The following MPC2 variants were observed in gnomAD, a reference collection of about 807,000 sequenced individuals.
MPC2 encodes mitochondrial pyruvate carrier 2.
A neutral mutation model predicts 19.2 loss-of-function variants in MPC2; 19 were observed. The ratio of observed to expected loss-of-function variants is 0.99; its 90% CI spans 0.69 to 1.45. The LOEUF (loss-of-function observed/expected upper bound fraction) is 1.45. Ranked by LOEUF, MPC2 falls within the 40% of genes most tolerant of loss-of-function variation. The pLI is 0.00. For missense variants in MPC2, 122 were observed against 153.0 expected, an observed-to-expected ratio of 0.80 and a Z score of 1.07; for synonymous variants, 61 against 54.3, an observed-to-expected ratio of 1.12 and a Z score of -0.54.
chr1:167,931,696 A>G (rs927125404), intron 2 of MPC2, among the ~76,000 whole-genome samples: 4 of 152,118 alleles, frequency 2.6e-5, no homozygotes, highest in African/African-American at 9.6e-5. Context: ...TATTTGATCC[A>G]TATTAGATTT....
intron 5 of MPC2, among the ~76,000 whole-genome samples, chr1:167,919,403 A>T (rs1359447348): frequency 3.9e-5 from 6 of 152,188 alleles, no homozygotes; most frequent in Admixed American, 2.6e-4. Context: ...TAGGTTTCTC[A>T]AAAGATCCTG....
intron 5 of MPC2, 68 bp downstream of exon 5, chr1:167,919,907 CAAAA>C (rs199537893): frequency 4.0e-5 from 35 of 885,510 alleles, no homozygotes; most frequent in Admixed American, 8.8e-5. Context: ...GACCCCGTCT[CAAAA>C]AAAAAAAAAA....
At position 167,920,019 on chromosome 1, in the gene MPC2, C is replaced by A; in HGVS notation, c.307G>T (p.Val103Leu). ...NWSLFAVNFF[V>L]GAAGASQLFR... ...AGCTGAGAGGCTCCTGCTGCCCCCA[C>A]AAAGAAATTAACAGCAAACAGACTC... The change falls in exon 5 of 6, where the codon GTG (valine) becomes TTG (leucine). Residue 103 changes from valine to leucine, a missense_variant. Physicochemically the swap from Val to Leu is conservative, Grantham distance 32. Coordinates refer to ENST00000271373, the MANE Select transcript of MPC2 (RefSeq NM_001143674.4). 6.2e-7 allele frequency: 1 copy of A among 1,613,428 alleles called. No homozygotes were observed. The highest frequency in any genetic ancestry group is 1.1e-5 in the South Asian group (1 of 91,006).
At chr1:167,932,109 G>A (rs1429507626) in intron 2 of MPC2, among the ~76,000 whole-genome samples, 1 of 152,154 alleles carries the variant, frequency 6.6e-6, no homozygotes, top group Non-Finnish European at 1.5e-5. Flanking sequence ...GAGCTATAAT[G>A]CGTTAAAATG....
intron 5 of MPC2, 29 bp from the exon 6 acceptor site, chr1:167,918,388 C>T (rs1262414544): frequency 2.2e-6 from 3 of 1,378,206 alleles, no homozygotes; most frequent in Non-Finnish European, 3.1e-6. Flanking sequence ...GAAAAATAAT[C>T]ATCAATAATA....
At chr1:167,934,657 A>C (rs964384839) in intron 2 of MPC2, among the ~76,000 whole-genome samples, 11 of 152,236 alleles carry the variant, frequency 7.2e-5, no homozygotes. Flanking sequence ...GTTCATAATC[A>C]GATAATGGGG....
At chr1:167,921,274 G>A (rs896122443) in intron 3 of MPC2, among the ~76,000 whole-genome samples, 1 of 151,580 alleles carries the variant, frequency 6.6e-6, no homozygotes, top group Admixed American at 6.6e-5. Flanking sequence ...CCAGGTTAGA[G>A]AGCAATGGTG....
chr1:167,920,643 C>T lies in MPC2; in HGVS notation c.151-12G>A, dbSNP rs757800462. 37 of 1,603,006 alleles carry T rather than the reference C, an allele frequency of 2.3e-5. No individual in the cohort carries two copies. Among genetic ancestry groups the T allele is most frequent in the South Asian group, 4.5e-5 (4 of 88,360 alleles). ...GCACACACCAACCCCTACACATTAA[C>T]GCATAGAAAGAAAAAAAGTATCACA... On this transcript the variant is annotated splice_polypyrimidine_tract_variant and intron_variant, in intron 3 of 5. Transcript: ENST00000271373.
intron 3 of MPC2, among the ~76,000 whole-genome samples, chr1:167,922,375 A>G (rs1670623277): frequency 6.6e-6 from 1 of 152,148 alleles, no homozygotes; most frequent in African/African-American, 2.4e-5. Flanking sequence ...ATAAACTCCT[A>G]AACTGTGGTA....
At chr1:167,935,972 C>T (rs1671153796) in intron 1 of MPC2, 74 bp from the exon 2 acceptor site, 2 of 704,540 alleles carry the variant, frequency 2.8e-6, no homozygotes, top group Non-Finnish European at 4.9e-6. Context: ...GAGTACCCTT[C>T]CCGCGGCTTT....
At chr1:167,925,472 T>TAC (rs1553200832) in intron 2 of MPC2, among the ~76,000 whole-genome samples, 2 of 102,042 alleles carry the variant, frequency 2.0e-5, no homozygotes, top group South Asian at 2.8e-4. Context: ...TATATATATA[T>TAC]ATACATATAC....
rs1457718967 is a variant in MPC2 at position 167,935,714 on chromosome 1, G to A, written c.109+19C>T. ...GCGAGAAGGAAGGTCTCGATAAGGAGCCATTCAGGGTCCATTACCTGCTGG... is the reference window on the plus strand; with the variant it reads ...GCGAGAAGGAAGGTCTCGATAAGGAACCATTCAGGGTCCATTACCTGCTGG... On this transcript the variant is annotated intron_variant, in intron 2 of 5. Transcript: ENST00000271373. 3 of 1,543,408 alleles carry A rather than the reference G, an allele frequency of 1.9e-6. No homozygotes were observed. The highest frequency in any genetic ancestry group is 2.6e-6 in the Non-Finnish European group (3 of 1,138,658).
intron 3 of MPC2, among the ~76,000 whole-genome samples, chr1:167,923,346 A>G (rs939459483): frequency 1.3e-5 from 2 of 152,204 alleles, no homozygotes; most frequent in Non-Finnish European, 2.9e-5. Context: ...AAATACATAC[A>G]ATGGAATGCT....
At chr1:167,935,957 G>A (rs898794214) in intron 1 of MPC2, 59 bp from the exon 2 acceptor site, 5 of 769,834 alleles carry the variant, frequency 6.5e-6, no homozygotes, top group Middle Eastern at 3.6e-4. Flanking sequence ...TCCGCCTCTC[G>A]CCTGGAGTAC....
chr1:167,924,459 T>C (rs1557853408), intron 3 of MPC2, 38 bp downstream of exon 3: 2 of 1,556,220 alleles, frequency 1.3e-6, no homozygotes, highest in Admixed American at 1.8e-5. Context: ...ATTAAGGAAT[T>C]TGTCTTTCAG....
Position 167,918,152 on chromosome 1 carries a change from G to C in MPC2, c.*171C>G. 1 of 546,978 alleles carries C rather than the reference G, an allele frequency of 1.8e-6. No homozygotes were observed. The highest frequency in any genetic ancestry group is 3.2e-6 in the Non-Finnish European group (1 of 309,564). 33.9% of individuals were successfully genotyped at this position (546,978 alleles called of 1,614,324 possible). A position where few individuals can be genotyped will look rare whatever the true frequency, so the allele number is the denominator to read the frequency against. ...ATAGATAAGTTCCTTAAGTCATGTA[G>C]AGAGACTGTTATTAAAAGTTTGCTG... On this transcript the variant is annotated 3_prime_UTR_variant, in exon 6 of 6. Coordinates refer to ENST00000271373, the MANE Select transcript of MPC2 (RefSeq NM_001143674.4).
chr1:167,929,621 C>T (rs372695948), intron 2 of MPC2, among the ~76,000 whole-genome samples: 4 of 152,180 alleles, frequency 2.6e-5, no homozygotes, highest in African/African-American at 9.7e-5. Context: ...CATAAACTTA[C>T]TTCCTAATTT....
chr1:167,928,208 C>T (rs1346711031), intron 2 of MPC2, among the ~76,000 whole-genome samples: 1 of 151,450 alleles, frequency 6.6e-6, no homozygotes, highest in African/African-American at 2.4e-5. Flanking sequence ...ATTAGCTGCG[C>T]GTGGTGGCAG....
chr1:167,931,844 ATTTAG>A (rs1308903956), intron 2 of MPC2, among the ~76,000 whole-genome samples: 1 of 152,296 alleles, frequency 6.6e-6, no homozygotes, highest in African/African-American at 2.4e-5. Flanking sequence ...ACATTGGTTC[ATTTAG>A]TTTATTTTTA....
Sources: gnomAD v4.1 joint callset for allele counts (sites outside exome capture counted in the v4.1 genomes callset) on GRCh38, gnomAD v4.1.1 for gene constraint, MANE v1.5 for transcripts, NCBI Gene and HGNC (gene_info 2026-07-23, HGNC 2026-07-21) for gene names.